CDK14: variants seen among roughly 807,000 people sequenced by gnomAD.
CDK14 encodes the protein cyclin-dependent kinase 14.
Under a neutral mutation model 60.7 loss-of-function variants are expected in CDK14, and 34 were observed. That is an observed-to-expected ratio of 0.56 (90% CI 0.43 to 0.75). CDK14 has a LOEUF of 0.75. Among genes scored for constraint, CDK14 ranks in the 30% least tolerant of loss-of-function variants. The pLI, the probability that CDK14 is intolerant of heterozygous loss-of-function variation, is 0.00. For missense variants in CDK14, 482 were observed against 564.1 expected, an observed-to-expected ratio of 0.85 and a Z score of 1.47; for synonymous variants, 197 against 203.7, an observed-to-expected ratio of 0.97 and a Z score of 0.28.
At chr7:90,806,595 C>A (rs1428495194) in intron 5 of CDK14, among the ~76,000 whole-genome samples, 1 of 152,192 alleles carries the variant, frequency 6.6e-6, no homozygotes, top group African/African-American at 2.4e-5. Flanking sequence ...AGGTTCATCT[C>A]ACTGGGAAGT....
chr7:90,958,422 T>G (rs1794497980), intron 9 of CDK14, among the ~76,000 whole-genome samples: 1 of 152,166 alleles, frequency 6.6e-6, no homozygotes, highest in African/African-American at 2.4e-5. Context: ...GTAATAAATC[T>G]AATACCATTT....
At chr7:91,018,817 A>G (rs1796366814) in intron 10 of CDK14, among the ~76,000 whole-genome samples, 1 of 152,218 alleles carries the variant, frequency 6.6e-6, no homozygotes, top group Non-Finnish European at 1.5e-5. Context: ...CTCCCCAGCC[A>G]TGTTTCCTGT....
intron 8 of CDK14, among the ~76,000 whole-genome samples, chr7:90,950,171 G>T (rs1039684937): frequency 1.3e-5 from 2 of 152,218 alleles, no homozygotes; most frequent in Non-Finnish European, 2.9e-5. Flanking sequence ...CCGCCTCCTG[G>T]GTTCAAGTGA....
intron 14 of CDK14, among the ~76,000 whole-genome samples, chr7:91,179,391 T>G (rs1801914635): frequency 2.0e-5 from 3 of 149,540 alleles, no homozygotes; most frequent in Non-Finnish European, 4.5e-5. Flanking sequence ...CATCGGGAGA[T>G]ATACCTAATG....
chr7:90,698,067 C>CAAAA (rs71104484), intron 2 of CDK14, among the ~76,000 whole-genome samples: 21,796 of 75,072 alleles, frequency 0.29, 3,707 homozygotes, highest in East Asian at 0.5. Context: ...GACTCTGTCT[C>CAAAA]AAAAAAAAAA....
At chr7:90,988,138 G>C (rs953464796) in intron 10 of CDK14, among the ~76,000 whole-genome samples, 7 of 152,088 alleles carry the variant, frequency 4.6e-5, no homozygotes, top group African/African-American at 1.7e-4. Context: ...TCTTTCTAAG[G>C]TTCTTTTTTC....
At chr7:91,181,645 G>A (rs1187122017) in intron 14 of CDK14, among the ~76,000 whole-genome samples, 1 of 152,084 alleles carries the variant, frequency 6.6e-6, no homozygotes, top group Non-Finnish European at 1.5e-5. Flanking sequence ...CAAGATGAAG[G>A]CTTGGTTCTT....
chr7:91,114,760 G>A (rs1217194982), intron 13 of CDK14, among the ~76,000 whole-genome samples: 1 of 152,052 alleles, frequency 6.6e-6, no homozygotes. Context: ...TCATTATGAG[G>A]CATAAATCCA....
chr7:91,132,103 G>A (rs1242373100), intron 14 of CDK14, among the ~76,000 whole-genome samples: 2 of 152,026 alleles, frequency 1.3e-5, no homozygotes, highest in Non-Finnish European at 2.9e-5. Flanking sequence ...ACAATTTAGG[G>A]ACACAAATGC....
intron 11 of CDK14, among the ~76,000 whole-genome samples, chr7:91,063,306 C>T (rs190113731): frequency 2.0e-5 from 3 of 152,122 alleles, no homozygotes; most frequent in Non-Finnish European, 4.4e-5. Flanking sequence ...AAAAAAACTT[C>T]GTTTCCAATA....
At chr7:90,866,007 A>T (rs1001440243) in intron 6 of CDK14, among the ~76,000 whole-genome samples, 1 of 152,126 alleles carries the variant, frequency 6.6e-6, no homozygotes, top group African/African-American at 2.4e-5. Context: ...TTCTTTCCAT[A>T]ACCTTCCTTT....
chr7:90,965,939 T>C (rs1190694769), intron 9 of CDK14, among the ~76,000 whole-genome samples: 2 of 152,200 alleles, frequency 1.3e-5, no homozygotes, highest in Non-Finnish European at 2.9e-5. Flanking sequence ...CTGGAGGGAA[T>C]TGGGTTCTTC....
chr7:90,632,548 A>G (rs1800026156), intron 2 of CDK14: 1 of 159,598 alleles, frequency 6.3e-6, no homozygotes, highest in Admixed American at 6.4e-5. Flanking sequence ...AAGACAAAAC[A>G]GTAAAGATAA....
chr7:90,725,186 A>C (rs1288552736), intron 2 of CDK14, among the ~76,000 whole-genome samples: 2 of 152,202 alleles, frequency 1.3e-5, no homozygotes, highest in Non-Finnish European at 2.9e-5. Flanking sequence ...TTAAAACATT[A>C]CATATGTTGG....
intron 2 of CDK14, among the ~76,000 whole-genome samples, chr7:90,668,705 T>A (rs1563037956): frequency 9.7e-5 from 2 of 20,710 alleles, no homozygotes; most frequent in Non-Finnish European, 1.8e-4. Context: ...CATTCTTTTT[T>A]TTTTTTTTTT....
Position 91,091,501 on chromosome 7 carries a change from T to TTATATATATATATATATATATATATA in CDK14, c.1154+12037_1154+12038insTATATATATATATATATATATATATA, listed in dbSNP as rs56670195. ...TATATGTATATGTAGTTTATATATT[T>TTATATATATATATATATATATATATA]TATATATATATATATAAATTAGCCA... On this transcript the variant is annotated intron_variant, in intron 12 of 14. Transcript: ENST00000380050. Among the ~76,000 whole-genome samples the TTATATATATATATATATATATATATA allele has an allele frequency of 6.8e-3, 601 of 88,930 alleles. 25 individuals are homozygous for TTATATATATATATATATATATATATA. The highest frequency in any genetic ancestry group is 9.5e-3 in the Non-Finnish European group (417 of 44,034). 58.3% of individuals were successfully genotyped at this position (88,930 alleles called of 152,430 possible). A position where few individuals can be genotyped will look rare whatever the true frequency, so the allele number is the denominator to read the frequency against.
At chr7:90,650,675 T>C (rs1304684506) in intron 2 of CDK14, among the ~76,000 whole-genome samples, 1 of 152,240 alleles carries the variant, frequency 6.6e-6, no homozygotes, top group Non-Finnish European at 1.5e-5. Flanking sequence ...TTTCTACATA[T>C]GGCTAGCCAG....
At chr7:90,981,083 C>T (rs1339014074) in intron 9 of CDK14, among the ~76,000 whole-genome samples, 1 of 152,056 alleles carries the variant, frequency 6.6e-6, no homozygotes, top group Non-Finnish European at 1.5e-5. Context: ...AGAGGATACA[C>T]TGAGTGTAAA....
At chr7:90,984,379 T>A in intron 10 of CDK14, 138 bp downstream of exon 10, 1 of 631,196 alleles carries the variant, frequency 1.6e-6, no homozygotes, top group Non-Finnish European at 2.8e-6. Flanking sequence ...TTTTGGACCT[T>A]TGAAAAAGCA....
Sources: gnomAD v4.1 joint callset for allele counts (sites outside exome capture counted in the v4.1 genomes callset) on GRCh38, gnomAD v4.1.1 for gene constraint, MANE v1.5 for transcripts, NCBI Gene and HGNC (gene_info 2026-07-23, HGNC 2026-07-21) for gene names.